CPNE8: variants seen among roughly 807,000 people sequenced by gnomAD.
The protein encoded by CPNE8 is copine-8.
CPNE8 carries 45 observed loss-of-function variants against 81.5 expected under a neutral mutation model. That is an observed-to-expected ratio of 0.55 (90% CI 0.44 to 0.71). The LOEUF (loss-of-function observed/expected upper bound fraction) is 0.71. Ranked by LOEUF, CPNE8 falls within the 30% of genes least tolerant of loss-of-function variation. The pLI is 0.00. For missense variants in CPNE8, 594 were observed against 672.1 expected, an observed-to-expected ratio of 0.88 and a Z score of 1.28; for synonymous variants, 252 against 226.3, an observed-to-expected ratio of 1.11 and a Z score of -1.02.
rs749975478 is a variant in CPNE8, at chr12:38,762,142, A to C, written c.650T>G (p.Val217Gly). 1 of 1,599,062 alleles carries C rather than the reference A, an allele frequency of 6.3e-7. No individual in the cohort carries two copies. The highest frequency in any genetic ancestry group is 8.5e-7 in the Non-Finnish European group (1 of 1,171,254). ...NPVWQAFKIS[V>G]RALCNGDYDR... ...ATAGTCTCCATTACATAATGCTCTG[A>C]CTGAGATCTTGAATGCTTGCCATAC... The change falls in exon 9 of 20, where the codon GTC becomes GGC. Residue 217 changes from valine (V) to glycine (G), a missense_variant. By Grantham distance (109) the Val-to-Gly change is moderately radical (BLOSUM62 -3). Coordinates refer to ENST00000331366, the MANE Select transcript of CPNE8 (RefSeq NM_153634.3).
chr12:38,866,873 T>G (rs1020119465), intron 3 of CPNE8, among the ~76,000 whole-genome samples: 6 of 152,184 alleles, frequency 3.9e-5, no homozygotes, highest in African/African-American at 1.4e-4. Flanking sequence ...TGAACATTTT[T>G]TTTTAAACAA....
chr12:38,767,770 T>A (rs981311002), intron 7 of CPNE8, 32 bp from the exon 8 acceptor site: 1 of 1,367,652 alleles, frequency 7.3e-7, no homozygotes. Flanking sequence ...CAGTTCAAGA[T>A]TTGGGCTATA....
intron 14 of CPNE8, among the ~76,000 whole-genome samples, chr12:38,699,949 T>A (rs1246108747): frequency 6.6e-6 from 1 of 152,154 alleles, no homozygotes; most frequent in Non-Finnish European, 1.5e-5. Flanking sequence ...TATTTATTGG[T>A]TATAGTAGAT....
chr12:38,847,493 C>T (rs1943578395), intron 4 of CPNE8, among the ~76,000 whole-genome samples: 2 of 152,152 alleles, frequency 1.3e-5, no homozygotes, highest in Non-Finnish European at 2.9e-5. Flanking sequence ...CATTTCATTT[C>T]AGTTTCTCTT....
chr12:38,814,967 A>G (rs1176113578), intron 6 of CPNE8, among the ~76,000 whole-genome samples: 1 of 152,184 alleles, frequency 6.6e-6, no homozygotes, highest in Non-Finnish European at 1.5e-5. Context: ...TAAGACCTGC[A>G]ATACCTTACG....
At chr12:38,787,747 G>C (rs981649869) in intron 6 of CPNE8, among the ~76,000 whole-genome samples, 2 of 151,408 alleles carry the variant, frequency 1.3e-5, no homozygotes, top group African/African-American at 4.8e-5. Context: ...TAAAATCAGA[G>C]ATGAAAGACA....
intron 14 of CPNE8, among the ~76,000 whole-genome samples, chr12:38,698,068 C>T (rs962163095): frequency 1.3e-5 from 2 of 152,150 alleles, no homozygotes; most frequent in African/African-American, 2.4e-5. Context: ...TCGTCACCAG[C>T]ACTTGTTATT....
At chr12:38,883,232 C>A (rs774095183) in intron 1 of CPNE8, among the ~76,000 whole-genome samples, 1 of 152,090 alleles carries the variant, frequency 6.6e-6, no homozygotes, top group Non-Finnish European at 1.5e-5. Flanking sequence ...CACTTGGAGG[C>A]GGCTTTGCAA....
chr12:38,805,676 T>TAA (rs1181190673), intron 6 of CPNE8, among the ~76,000 whole-genome samples: 1 of 27,006 alleles, frequency 3.7e-5, no homozygotes, highest in African/African-American at 6.2e-5. Flanking sequence ...AAAAAAAACA[T>TAA]TAAAAAAAAA....
In CPNE8 at chr12:38,851,538, C is replaced by T. The variant is rs188046513; in HGVS notation, c.187-2876G>A. The stretch of plus-strand genomic sequence containing the variant: ...GCCTCATAAGTTATCAGTTATAACT[C>T]CAAAACATGCCTCACAGCTGTTTAC... On this transcript the variant is annotated intron_variant, in intron 3 of 19. Coordinates refer to ENST00000331366, the MANE Select transcript of CPNE8 (RefSeq NM_153634.3). Among the ~76,000 whole-genome samples the T allele has an allele frequency of 9.5e-4, 145 of 152,288 alleles. 1 individual carries two copies. Among genetic ancestry groups the T allele is most frequent in the African/African-American group, 3.3e-3 (139 of 41,556 alleles).
chr12:38,759,774 C>A (rs1356734608), intron 10 of CPNE8, among the ~76,000 whole-genome samples: 1 of 152,188 alleles, frequency 6.6e-6, no homozygotes, highest in African/African-American at 2.4e-5. Flanking sequence ...TTCCAGGACA[C>A]TTATTGCACA....
intron 15 of CPNE8, among the ~76,000 whole-genome samples, chr12:38,690,924 T>A (rs1004760538): frequency 6.6e-6 from 1 of 152,152 alleles, no homozygotes; most frequent in Non-Finnish European, 1.5e-5. Context: ...ATACTCATTT[T>A]TATGACACTG....
intron 13 of CPNE8, among the ~76,000 whole-genome samples, chr12:38,719,924 C>A (rs1940513557): frequency 6.6e-6 from 1 of 152,042 alleles, no homozygotes; most frequent in Admixed American, 6.5e-5. Context: ...TATCTTAGGT[C>A]TAGTTAGATT....
intron 5 of CPNE8, among the ~76,000 whole-genome samples, chr12:38,835,247 C>T (rs549720828): frequency 2.0e-5 from 3 of 152,174 alleles, no homozygotes; most frequent in South Asian, 4.1e-4. Context: ...ATGCTGTTCT[C>T]CTAGATTTTC....
chr12:38,869,578 A>T (rs1241354714), intron 3 of CPNE8, among the ~76,000 whole-genome samples: 1 of 152,168 alleles, frequency 6.6e-6, no homozygotes, highest in Non-Finnish European at 1.5e-5. Context: ...CCTTTTCATT[A>T]TCCAGCAAGT....
chr12:38,881,326 A>G (rs2137122100), intron 1 of CPNE8, among the ~76,000 whole-genome samples: 1 of 152,328 alleles, frequency 6.6e-6, no homozygotes, highest in African/African-American at 2.4e-5. Flanking sequence ...GTACTTAACA[A>G]GATTATCTGG....
At chr12:38,757,541 T>G (rs992086219) in intron 10 of CPNE8, among the ~76,000 whole-genome samples, 3 of 151,994 alleles carry the variant, frequency 2.0e-5, no homozygotes, top group Non-Finnish European at 2.9e-5. Context: ...CTTTCAAATT[T>G]CATACATAAG....
chr12:38,809,151 T>C (rs1443983470), intron 6 of CPNE8, among the ~76,000 whole-genome samples: 1 of 152,200 alleles, frequency 6.6e-6, no homozygotes, highest in Non-Finnish European at 1.5e-5. Flanking sequence ...GCTAAAATAA[T>C]GCTATCTCAC....
intron 1 of CPNE8, among the ~76,000 whole-genome samples, chr12:38,900,026 C>G (rs1008163272): frequency 6.6e-6 from 1 of 152,102 alleles, no homozygotes; most frequent in Non-Finnish European, 1.5e-5. Context: ...AACCTTTCAG[C>G]ATTTCTTAAA....
Sources: allele counts gnomAD v4.1 joint callset (sites outside exome capture counted in the v4.1 genomes callset), GRCh38; gene constraint gnomAD v4.1.1; transcripts MANE v1.5; gene names NCBI Gene and HGNC (gene_info 2026-07-23, HGNC 2026-07-21).